The following LRPPRC variants were observed in gnomAD, a reference collection of about 807,000 sequenced individuals.
LRPPRC encodes leucine-rich PPR motif-containing protein, mitochondrial.
Under a neutral mutation model 180.3 loss-of-function variants are expected in LRPPRC, and 120 were observed. That is an observed-to-expected ratio of 0.67 (90% confidence interval 0.57 to 0.77). The LOEUF (loss-of-function observed/expected upper bound fraction) is 0.77. Ranked by LOEUF, LRPPRC falls within the 30% of genes least tolerant of loss-of-function variation. The probability of loss-of-function intolerance (pLI) is 0.00; values close to 1 mark genes in which losing one functional copy is unlikely to be tolerated. For missense variants in LRPPRC, 2,012 were observed against 1,657.2 expected (o/e 1.21, Z -3.72); for synonymous variants, 723 against 600.0 (o/e 1.21, Z -3.00).
chr2:43,892,827 CA>C (rs1670540441), intron 36 of LRPPRC: 1 of 151,960 alleles, frequency 6.6e-6, no homozygotes, highest in Admixed American at 6.6e-5. Context: ...AAACATGTTT[CA>C]TAAGGCTATA....
rs1397516005 is a variant in LRPPRC, at chr2:43,934,173, T to C, written c.2736+17A>G. 2.9e-6 allele frequency: 4 copies of C among 1,391,962 alleles called. No homozygotes were observed. Among genetic ancestry groups the C allele is most frequent in the Middle Eastern group, 1.9e-4 (1 of 5,264 alleles). The allele number at this position is 1,391,962 out of a possible 1,614,324, so 86.2% of individuals were successfully genotyped here. On this transcript the variant is annotated intron_variant, in intron 25 of 37. Transcript: ENST00000260665. ...CTAAATAGCTCTACAATTAGAACAC[T>C]GTAGTTAAAATCACACCTCAATGAT...
In LRPPRC at chr2:43,907,160, T is replaced by C. The variant is rs1304711991; in HGVS notation, c.3276-1380A>G. 2.0e-5 allele frequency among the ~76,000 whole-genome samples: 3 copies of C among 152,264 alleles called. No individual in the cohort carries two copies. The East Asian group carries it at 5.8e-4, about 29-fold the overall frequency. Reference sequence around the variant, plus strand: ...TGACACTAAGTATGAACTACAAACCTTTCAAAAACCTCAAAGCCTGTAACA... The same window carrying C: ...TGACACTAAGTATGAACTACAAACCCTTCAAAAACCTCAAAGCCTGTAACA... On this transcript the variant is annotated intron_variant, in intron 30 of 37. Coordinates refer to ENST00000260665, the MANE Select transcript of LRPPRC (RefSeq NM_133259.4).
chr2:43,948,102 G>C lies in LRPPRC; in HGVS notation c.1920+20C>G. ...TGTAAGTTAAGCATTTTATCCAGTT[G>C]ATTGCTATTTCACACACACCTTAAT... On this transcript the variant is annotated intron_variant, in intron 18 of 37. Coordinates refer to ENST00000260665, the MANE Select transcript of LRPPRC (RefSeq NM_133259.4). The C allele has an allele frequency of 2.7e-6, 4 of 1,456,006 alleles. No homozygotes were observed. The highest frequency in any genetic ancestry group is 3.9e-6 in the Non-Finnish European group (4 of 1,037,064). 90.2% of individuals were successfully genotyped at this position (1,456,006 alleles called of 1,614,324 possible). A position where few individuals can be genotyped will look rare whatever the true frequency, so the allele number is the denominator to read the frequency against.
At chr2:43,931,066 A>C (rs546488535) in intron 25 of LRPPRC, among the ~76,000 whole-genome samples, 1 of 152,148 alleles carries the variant, frequency 6.6e-6, no homozygotes, top group African/African-American at 2.4e-5. Context: ...CAAAAAAGTT[A>C]AATGATGTAT....
Position 43,947,389 on chromosome 2 carries a change from A to G in LRPPRC, c.1966-19T>C. ...GCACAGTCTACAGAAAAGAAAAAAGAAAAGAAAAATTTCCTGAAAAAGGAA... is the reference window on the plus strand; with the variant it reads ...GCACAGTCTACAGAAAAGAAAAAAGGAAAGAAAAATTTCCTGAAAAAGGAA... On this transcript the variant is annotated intron_variant, in intron 19 of 37. Coordinates refer to ENST00000260665, the MANE Select transcript of LRPPRC (RefSeq NM_133259.4). 1 of 1,298,736 alleles carries G rather than the reference A, an allele frequency of 7.7e-7. No homozygotes were observed. The highest frequency in any genetic ancestry group is 1.1e-6 in the Non-Finnish European group (1 of 895,894). 80.5% of individuals were successfully genotyped at this position (1,298,736 alleles called of 1,614,324 possible).
At chr2:43,937,025 G>A (rs1384172442) in intron 23 of LRPPRC, among the ~76,000 whole-genome samples, 1 of 152,022 alleles carries the variant, frequency 6.6e-6, no homozygotes, top group South Asian at 2.1e-4. Flanking sequence ...TAAGTGGCAT[G>A]ATTTGCTTTT....
chr2:43,934,222 C>T lies in LRPPRC; in HGVS notation c.2704G>A (p.Gly902Arg). 3 of 1,610,862 alleles carry T rather than the reference C, an allele frequency of 1.9e-6. No individual in the cohort carries two copies. The highest frequency in any genetic ancestry group is 2.5e-6 in the Non-Finnish European group (3 of 1,177,692). ...YDLFFAFLQTGNYKEAKKIIE... is the reference protein window; with the variant it reads ...YDLFFAFLQTRNYKEAKKIIE... ...ATCTTCTTGGCCTCTTTGTAATTTC[C>T]TGTTTGTAGGAAGGCAAAGAAGAGA... The change falls in exon 25 of 38, where the codon GGA becomes AGA. Residue 902 changes from glycine (G) to arginine (R), a missense_variant. By Grantham distance (125) the Gly-to-Arg change is moderately radical. Coordinates refer to ENST00000260665, the MANE Select transcript of LRPPRC (RefSeq NM_133259.4).
At chr2:43,967,943 T>A (rs1673633717) in intron 11 of LRPPRC, among the ~76,000 whole-genome samples, 1 of 152,214 alleles carries the variant, frequency 6.6e-6, no homozygotes, top group African/African-American at 2.4e-5. Flanking sequence ...CCTGACATGA[T>A]GACATAGCTA....
At chr2:43,904,211 G>C (rs921683499) in intron 31 of LRPPRC, among the ~76,000 whole-genome samples, 1 of 152,068 alleles carries the variant, frequency 6.6e-6, no homozygotes, top group Non-Finnish European at 1.5e-5. Context: ...CAAAGTGCTG[G>C]GATTACAGGT....
At chr2:43,909,170 C>A (rs1671166779) in intron 30 of LRPPRC, among the ~76,000 whole-genome samples, 1 of 152,124 alleles carries the variant, frequency 6.6e-6, no homozygotes, top group East Asian at 1.9e-4. Flanking sequence ...AATTTTCAGT[C>A]CAGCATTATT....
intron 14 of LRPPRC, among the ~76,000 whole-genome samples, chr2:43,952,237 C>T (rs775749418): frequency 1.3e-5 from 2 of 152,078 alleles, no homozygotes; most frequent in East Asian, 3.9e-4. Context: ...TGCCCTCAAA[C>T]GTGGCATGAA....
intron 36 of LRPPRC, among the ~76,000 whole-genome samples, chr2:43,892,133 G>C (rs2104974832): frequency 6.6e-6 from 1 of 152,364 alleles, no homozygotes; most frequent in East Asian, 1.9e-4. Context: ...AAATGCTGAT[G>C]CAGAAGCTAC....
Position 43,974,629 on chromosome 2 carries a change from T to C in LRPPRC, c.994A>G (p.Arg332Gly). 6.3e-7 allele frequency: 1 copy of C among 1,594,372 alleles called. No homozygotes were observed. The highest frequency in any genetic ancestry group is 8.6e-7 in the Non-Finnish European group (1 of 1,162,522). Residue 332 changes from arginine to glycine, a missense_variant, in exon 8 of 38, where the codon AGA becomes GGA. Coordinates refer to ENST00000260665, the MANE Select transcript of LRPPRC (RefSeq NM_133259.4). ...SEILEKVTCE[R>G]RYIPDAMNLI... is the part of the protein sequence containing the mutation. The stretch of plus-strand genomic sequence containing the variant: ...TTAAAACTACCTGGAATATATCTTC[T>C]TTCACATGTAACTTTTTCCAAAATT...
chr2:43,993,735 A>G (rs1474359387), intron 1 of LRPPRC, among the ~76,000 whole-genome samples: 1 of 92,788 alleles, frequency 1.1e-5, no homozygotes, highest in Non-Finnish European at 2.5e-5. Flanking sequence ...ACCTTCTACT[A>G]AAGAAAAAAA....
At chr2:43,964,126 T>A (rs750906819) in intron 11 of LRPPRC, among the ~76,000 whole-genome samples, 23 of 152,206 alleles carry the variant, frequency 1.5e-4, no homozygotes, top group African/African-American at 5.1e-4. Context: ...TAAGCACTTA[T>A]GTAAAAAGTT....
intron 14 of LRPPRC, among the ~76,000 whole-genome samples, chr2:43,952,903 A>G (rs1169560963): frequency 6.6e-6 from 1 of 152,084 alleles, no homozygotes; most frequent in Non-Finnish European, 1.5e-5. Flanking sequence ...CATCATGTAA[A>G]CCTTTCAATG....
intron 23 of LRPPRC, among the ~76,000 whole-genome samples, chr2:43,938,316 A>C (rs1252860416): frequency 6.6e-6 from 1 of 152,224 alleles, no homozygotes; most frequent in Admixed American, 6.5e-5. Flanking sequence ...TGCAAATTAA[A>C]AATATAAGCT....
chr2:43,960,201 G>C (rs916772559), intron 13 of LRPPRC, among the ~76,000 whole-genome samples: 1 of 152,192 alleles, frequency 6.6e-6, no homozygotes, highest in African/African-American at 2.4e-5. Context: ...CCCCAAGTTA[G>C]GTAGTACTAT....
At chr2:43,988,859 T>C (rs1014474986) in intron 1 of LRPPRC, among the ~76,000 whole-genome samples, 1 of 152,098 alleles carries the variant, frequency 6.6e-6, no homozygotes, top group African/African-American at 2.4e-5. Flanking sequence ...CTCTGAGTTT[T>C]TACAATATCT....
Sources: allele counts gnomAD v4.1 joint callset (sites outside exome capture counted in the v4.1 genomes callset), GRCh38; gene constraint gnomAD v4.1.1; transcripts MANE v1.5; gene names NCBI Gene and HGNC (gene_info 2026-07-23, HGNC 2026-07-21).